The following LUZP2 variants were observed in gnomAD, a reference collection of about 807,000 sequenced individuals.
LUZP2 encodes leucine zipper protein 2.
In LUZP2, 52 loss-of-function variants were observed where a neutral mutation model predicts 51.6. The observed-to-expected ratio is 1.01, with a 90% confidence interval of 0.81 to 1.27. The LOEUF (loss-of-function observed/expected upper bound fraction) is 1.27. LUZP2 is among the 50% of genes most tolerant of loss of function. The pLI, the probability that LUZP2 is intolerant of heterozygous loss-of-function variation, is 0.00. For missense variants in LUZP2, 436 were observed against 395.4 expected (o/e 1.10, Z -0.87); for synonymous variants, 154 against 137.3 (o/e 1.12, Z -0.85).
intron 7 of LUZP2, among the ~76,000 whole-genome samples, chr11:24,920,493 A>G (rs956116357): frequency 4.6e-5 from 7 of 152,090 alleles, no homozygotes; most frequent in South Asian, 4.1e-4. Context: ...CTGCACTCAC[A>G]GGTTTATCAC....
At chr11:24,835,520 G>GC (rs1253401750) in intron 5 of LUZP2, among the ~76,000 whole-genome samples, 1 of 152,032 alleles carries the variant, frequency 6.6e-6, no homozygotes, top group East Asian at 1.9e-4. Context: ...GAATGAACAG[G>GC]CAACCTACAG....
At chr11:24,644,876 G>A (rs1855416444) in intron 1 of LUZP2, among the ~76,000 whole-genome samples, 1 of 152,212 alleles carries the variant, frequency 6.6e-6, no homozygotes, top group Admixed American at 6.5e-5. Flanking sequence ...CAAAAGTGAA[G>A]GCCATAATTT....
At chr11:24,563,449 C>G (rs1482388837) in intron 1 of LUZP2, among the ~76,000 whole-genome samples, 1 of 152,086 alleles carries the variant, frequency 6.6e-6, no homozygotes, top group African/African-American at 2.4e-5. Context: ...AGAGACCTTG[C>G]TTTCATAGAT....
chr11:24,881,805 G>A (rs1467703185), intron 5 of LUZP2, among the ~76,000 whole-genome samples: 1 of 151,804 alleles, frequency 6.6e-6, no homozygotes, highest in African/African-American at 2.4e-5. Flanking sequence ...AAATTTTTAT[G>A]AAGACCAAAA....
chr11:24,756,036 C>G (rs541015587), intron 4 of LUZP2, among the ~76,000 whole-genome samples: 28 of 152,260 alleles, frequency 1.8e-4, no homozygotes, highest in African/African-American at 6.5e-4. Flanking sequence ...GCGGCTTCAT[C>G]TATATAATAA....
intron 5 of LUZP2, among the ~76,000 whole-genome samples, chr11:24,843,950 C>T (rs1181864473): frequency 6.6e-6 from 1 of 152,010 alleles, no homozygotes; most frequent in African/African-American, 2.4e-5. Flanking sequence ...ACTGTAAGTC[C>T]CTTTTTCTTC....
chr11:24,841,384 T>A (rs1420718070), intron 5 of LUZP2, among the ~76,000 whole-genome samples: 1 of 152,104 alleles, frequency 6.6e-6, no homozygotes, highest in Non-Finnish European at 1.5e-5. Context: ...AATAAATGTT[T>A]GTTGCTTACG....
intron 8 of LUZP2, among the ~76,000 whole-genome samples, chr11:24,982,425 G>A (rs746189501): frequency 9.9e-5 from 15 of 151,840 alleles, no homozygotes; most frequent in Non-Finnish European, 1.5e-4. Flanking sequence ...ATAGTATCCA[G>A]CCATAAAAAA....
At chr11:24,562,274 C>T (rs1852065927) in intron 1 of LUZP2, among the ~76,000 whole-genome samples, 2 of 152,000 alleles carry the variant, frequency 1.3e-5, no homozygotes, top group Non-Finnish European at 2.9e-5. Context: ...CCTTATACCA[C>T]AATATAAAAT....
intron 1 of LUZP2, among the ~76,000 whole-genome samples, chr11:24,503,896 C>T (rs1850074823): frequency 6.6e-6 from 1 of 152,002 alleles, no homozygotes; most frequent in Non-Finnish European, 1.5e-5. Flanking sequence ...ATTGTTGCAC[C>T]ACATGTAATC....
intron 1 of LUZP2, among the ~76,000 whole-genome samples, chr11:24,728,359 A>T (rs1419408807): frequency 6.6e-6 from 1 of 151,890 alleles, no homozygotes; most frequent in Non-Finnish European, 1.5e-5. Context: ...GTATACTATT[A>T]ATTCCATTTT....
At chr11:24,546,332 G>T (rs1851541365) in intron 1 of LUZP2, among the ~76,000 whole-genome samples, 1 of 152,004 alleles carries the variant, frequency 6.6e-6, no homozygotes, top group Non-Finnish European at 1.5e-5. Flanking sequence ...AACAAGAATG[G>T]TGAGAGAAGG....
chr11:24,657,277 T>C (rs1855840478), intron 1 of LUZP2, among the ~76,000 whole-genome samples: 1 of 152,140 alleles, frequency 6.6e-6, no homozygotes, highest in Non-Finnish European at 1.5e-5. Context: ...CAAACTTATA[T>C]ATTAAATGTG....
chr11:24,711,391 A>C (rs1439453809), intron 1 of LUZP2, among the ~76,000 whole-genome samples: 2 of 152,080 alleles, frequency 1.3e-5, no homozygotes, highest in Non-Finnish European at 2.9e-5. Flanking sequence ...CGGAGCTTGC[A>C]GTGAGCCGAG....
intron 1 of LUZP2, among the ~76,000 whole-genome samples, chr11:24,685,197 C>A (rs1299811359): frequency 6.6e-6 from 1 of 152,124 alleles, no homozygotes; most frequent in Non-Finnish European, 1.5e-5. Flanking sequence ...CCTTACATAA[C>A]TTCCAAAGCC....
At chr11:24,580,768 A>C (rs1473474368) in intron 1 of LUZP2, among the ~76,000 whole-genome samples, 3 of 152,174 alleles carry the variant, frequency 2.0e-5, no homozygotes, top group Admixed American at 6.5e-5. Context: ...TTATGAATAG[A>C]AAAGTGTTCA....
At chr11:25,051,379 A>G (rs1229867156) in intron 10 of LUZP2, among the ~76,000 whole-genome samples, 1 of 152,234 alleles carries the variant, frequency 6.6e-6, no homozygotes, top group Non-Finnish European at 1.5e-5. Flanking sequence ...TTGTTTATTT[A>G]AACATGTATC....
chr11:24,664,127 C>CA (rs1447115417), intron 1 of LUZP2, among the ~76,000 whole-genome samples: 4 of 151,998 alleles, frequency 2.6e-5, no homozygotes, highest in Admixed American at 1.3e-4. Flanking sequence ...TTGGAGAACT[C>CA]AGAACACAGG....
chr11:24,719,052 A>G (rs574465192), intron 1 of LUZP2, among the ~76,000 whole-genome samples: 1 of 152,318 alleles, frequency 6.6e-6, no homozygotes, highest in African/African-American at 2.4e-5. Context: ...AATGAAGGAG[A>G]CAGATTCAAG....
Sources: gnomAD v4.1 joint callset for allele counts (sites outside exome capture counted in the v4.1 genomes callset) on GRCh38, gnomAD v4.1.1 for gene constraint, MANE v1.5 for transcripts, NCBI Gene and HGNC (gene_info 2026-07-23, HGNC 2026-07-21) for gene names.